The following ZNF433 variants were observed in gnomAD, a reference collection of about 807,000 sequenced individuals.
The protein encoded by ZNF433 is zinc finger protein 433.
Under a neutral mutation model 10.6 loss-of-function variants are expected in ZNF433, and 12 were observed. The ratio of observed to expected loss-of-function variants is 1.13; its 90% CI spans 0.72 to 1.83. The LOEUF is 1.83. Among genes scored for constraint, ZNF433 ranks in the 40% most tolerant of loss-of-function variants. The pLI, the probability that ZNF433 is intolerant of heterozygous loss-of-function variation, is 0.00. For synonymous variants in ZNF433, 272 were observed against 271.3 expected, an observed-to-expected ratio of 1.00 and a Z score of -0.02; for missense variants, 737 against 798.0, an observed-to-expected ratio of 0.92 and a Z score of 0.92.
chr19:12,027,612 TTTAG>T (rs1393605480), intron 1 of ZNF433, among the ~76,000 whole-genome samples: 1 of 152,242 alleles, frequency 6.6e-6, no homozygotes, highest in Non-Finnish European at 1.5e-5. Flanking sequence ...AAGGAATATT[TTTAG>T]TTAATCTATA....
intron 1 of ZNF433, chr19:12,022,311 T>G (rs1007191236): frequency 1.1e-5 from 3 of 266,920 alleles, no homozygotes; most frequent in Non-Finnish European, 2.4e-5. Flanking sequence ...AGGAATACTT[T>G]TAATCTATAA....
In ZNF433 at chr19:12,016,410, A is replaced by G. The variant is rs757335027; in HGVS notation, c.448T>C (p.Cys150Arg). Reference sequence around the variant, plus strand: ...TCATGTGTCTGAACAGAGGAGAGACAGTTGAAAGGTTTTTTACAGTATTTA... The same window carrying G: ...TCATGTGTCTGAACAGAGGAGAGACGGTTGAAAGGTTTTTTACAGTATTTA... ...KCKYCKKPFN[C>R]LSSVQTHERA... The change falls in exon 4 of 4, where the codon TGT becomes CGT. Residue 150 changes from cysteine (C) to arginine (R), a missense_variant. By Grantham distance (180) the Cys-to-Arg change is radical (BLOSUM62 -3). Transcript: ENST00000550507. 1 of 1,614,142 alleles carries G rather than the reference A, an allele frequency of 6.2e-7. No individual in the cohort carries two copies. The highest frequency in any genetic ancestry group is 8.5e-7 in the Non-Finnish European group (1 of 1,180,026).
At position 12,015,241 on chromosome 19, in the gene ZNF433, G is replaced by A; in HGVS notation, c.1617C>T (p.Ala539=). ...TTTGAAGCTGTGAGGCAGATCTGAAGGCTTTTCCACATTGCTTGCATTCAT... is the reference window on the plus strand; with the variant it reads ...TTTGAAGCTGTGAGGCAGATCTGAAAGCTTTTCCACATTGCTTGCATTCAT... ...KPYECKQCGK[A]FRSASQLQIH... Residue 539 remains alanine, a synonymous_variant, in exon 4 of 4, where the codon GCC becomes GCT. Transcript: ENST00000550507. The A allele has an allele frequency of 6.2e-7, 1 of 1,613,358 alleles. No individual in the cohort carries two copies. The highest frequency in any genetic ancestry group is 8.5e-7 in the Non-Finnish European group (1 of 1,179,890).
chr19:12,019,740 C>T (rs1321518469), intron 1 of ZNF433, among the ~76,000 whole-genome samples: 1 of 152,084 alleles, frequency 6.6e-6, no homozygotes, highest in East Asian at 1.9e-4. Flanking sequence ...AAATATTAAT[C>T]TTATAACATC....
Position 12,016,135 on chromosome 19 carries a change from A to T in ZNF433, c.723T>A (p.His241Gln). 1.2e-6 allele frequency: 2 copies of T among 1,614,124 alleles called. No homozygotes were observed. Among genetic ancestry groups the T allele is most frequent in the Non-Finnish European group, 1.7e-6 (2 of 1,180,008 alleles). ...AFSHSSSLRI[H>Q]ERTHTGEKPY... ...GCTTCTCCCCAGTGTGAGTTCTTTC[A>T]TGTATTCGAAGGCTACTAGAATGAC... Residue 241 changes from histidine to glutamine, a missense_variant, in exon 4 of 4, where the codon CAT becomes CAA. Transcript: ENST00000550507.
At chr19:12,035,512 C>T in intron 1 of ZNF433, 25 bp downstream of exon 1, 1 of 1,569,560 alleles carries the variant, frequency 6.4e-7, no homozygotes, top group Non-Finnish European at 8.6e-7. Context: ...TCCCCCGCCT[C>T]GGGACCCCTG....
At chr19:12,029,526 A>G (rs1875976293) in intron 1 of ZNF433, among the ~76,000 whole-genome samples, 3 of 119,300 alleles carry the variant, frequency 2.5e-5, no homozygotes, top group Non-Finnish European at 4.7e-5. Flanking sequence ...TGTCTCAAAA[A>G]AAAAAAAAAA....
rs114955320 is a variant in ZNF433, at chr19:12,018,173, G to A, written c.123C>T (p.Ala41=). The part of the protein sequence containing the change: ...DVMQETFRNL[A]SIGKKWKPQN... ...TAATGTTGTCACCCTTACCTATAGA[G>A]GCCAGGTTCCTGAAGGTTTCTTGCA... Residue 41 remains alanine (A), a synonymous_variant, in exon 2 of 4, where the codon GCC becomes GCT. Coordinates refer to ENST00000550507, the MANE Select transcript of ZNF433 (RefSeq NM_001308348.2). 1.2e-3 allele frequency: 1,865 copies of A among 1,596,386 alleles called. 28 individuals are homozygous for A. The African/African-American group carries it at 0.023, about 19-fold the overall frequency.
intron 1 of ZNF433, chr19:12,030,081 CAA>C (rs74180055): frequency 0.11 from 20,772 of 196,552 alleles, 42 homozygotes; most frequent in African/African-American, 0.22. Context: ...GACTCCATCT[CAA>C]AAAAAAAAAA....
intron 1 of ZNF433, chr19:12,025,118 T>C (rs1304840937): frequency 6.6e-6 from 1 of 152,208 alleles, no homozygotes; most frequent in African/African-American, 2.4e-5. Context: ...TTATTCCAGC[T>C]TGAAAGGTAA....
At chr19:12,024,970 C>T (rs1056648154) in intron 1 of ZNF433, 14 of 152,130 alleles carry the variant, frequency 9.2e-5, no homozygotes, top group Admixed American at 5.9e-4. Flanking sequence ...TGGGTATTCT[C>T]GATAATCATT....
chr19:12,034,114 T>C (rs978344532), intron 1 of ZNF433, among the ~76,000 whole-genome samples: 2 of 152,204 alleles, frequency 1.3e-5, no homozygotes, highest in Admixed American at 6.5e-5. Flanking sequence ...CAAATTCAAA[T>C]GCTATTCATA....
rs557627067 is a variant in ZNF433 at position 12,029,923 on chromosome 19, A to G, written c.3+5614T>C. ...GGTGAAACCCTGCCTCTACTAAAGAATACAAAAAATTAGCTGGGCACGGTA... is the reference window on the plus strand; with the variant it reads ...GGTGAAACCCTGCCTCTACTAAAGAGTACAAAAAATTAGCTGGGCACGGTA... On this transcript the variant is annotated intron_variant, in intron 1 of 3. Coordinates refer to ENST00000550507, the MANE Select transcript of ZNF433 (RefSeq NM_001308348.2). Among the ~76,000 whole-genome samples, 5 of 151,848 alleles carry G rather than the reference A, an allele frequency of 3.3e-5. No homozygotes were observed. In the South Asian group the frequency reaches 1.0e-3, roughly 32 times the overall value.
In ZNF433 at chr19:12,015,962, C is replaced by A. The variant is rs778406423; in HGVS notation, c.896G>T (p.Arg299Ile). ...SSSHSFQIHERTHTGEKPYEC... is the reference protein window; with the variant it reads ...SSSHSFQIHEITHTGEKPYEC... Reference sequence around the variant, plus strand: ...ATATGGCTTCTCCCCCGTGTGAGTTCTTTCATGTATTTGAAAGGAATGGGA... The same window carrying A: ...ATATGGCTTCTCCCCCGTGTGAGTTATTTCATGTATTTGAAAGGAATGGGA... The change falls in exon 4 of 4, where the codon AGA becomes ATA. Residue 299 changes from arginine to isoleucine, a missense_variant. Arg to Ile is a moderately conservative substitution (Grantham distance 97, BLOSUM62 -3). Transcript: ENST00000550507. 2 of 1,614,036 alleles carry A rather than the reference C, an allele frequency of 1.2e-6. No individual in the cohort carries two copies. Among genetic ancestry groups the A allele is most frequent in the Non-Finnish European group, 1.7e-6 (2 of 1,179,920 alleles).
In ZNF433 at chr19:12,015,084, A is replaced by T; in HGVS notation, c.1774T>A (p.Cys592Ser). ...GAGGCACATCCAAAAGACTTCCCAC[A>T]CTGCTTACATTCATAGGGTTTCTCT... is the stretch of plus-strand genomic sequence containing the variant. ...TGEKPYECKQ[C>S]GKSFGCASRL... Residue 592 changes from cysteine (C) to serine (S), a missense_variant, in exon 4 of 4, where the codon TGT becomes AGT. By Grantham distance (112) the Cys-to-Ser change is moderately radical. Transcript: ENST00000550507. 6.2e-7 allele frequency: 1 copy of T among 1,614,012 alleles called. No homozygotes were observed. The highest frequency in any genetic ancestry group is 8.5e-7 in the Non-Finnish European group (1 of 1,179,968).
rs1250549010 is a variant in ZNF433, at chr19:12,016,222, G to T, written c.636C>A (p.Ile212=). 1.2e-6 allele frequency: 2 copies of T among 1,614,144 alleles called. No individual in the cohort carries two copies. The highest frequency in any genetic ancestry group is 2.2e-5 in the East Asian group (1 of 44,864). The change falls in exon 4 of 4, where the codon ATC becomes ATA. Residue 212 remains isoleucine (I), a synonymous_variant. Transcript: ENST00000550507. ...TCTCTCCAGTGTGAGTTCGTTTGTG[G>T]ATAAGATACAAACTGAGAAACATCA... ...KALMFLSLYL[I]HKRTHTGEKP... is the part of the protein sequence containing the mutation.
At position 12,016,358 on chromosome 19, in the gene ZNF433, T is replaced by A; in HGVS notation, c.500A>T (p.Tyr167Phe). Reference protein sequence around the residue: ...HERAHSGRKLYVCEECGKTFI... With the variant: ...HERAHSGRKLFVCEECGKTFI... ...TGTTTTTCCGCATTCCTCACAAACA[T>A]AGAGTTTCCTTCCACTATGAGCCCT... The change falls in exon 4 of 4, where the codon TAT (tyrosine) becomes TTT (phenylalanine). Residue 167 changes from tyrosine to phenylalanine, a missense_variant. Transcript: ENST00000550507. 2 of 1,613,738 alleles carry A rather than the reference T, an allele frequency of 1.2e-6. No homozygotes were observed. Among genetic ancestry groups the A allele is most frequent in the Non-Finnish European group, 1.7e-6 (2 of 1,179,858 alleles).
At chr19:12,023,583 T>C (rs552135066) in intron 1 of ZNF433, 2 of 152,260 alleles carry the variant, frequency 1.3e-5, no homozygotes, top group East Asian at 3.9e-4. Flanking sequence ...GAAAGAAATT[T>C]AAAGGATTGG....
At chr19:12,027,925 C>T (rs941596500) in intron 1 of ZNF433, 12 of 152,300 alleles carry the variant, frequency 7.9e-5, no homozygotes, top group African/African-American at 2.4e-4. Context: ...GCTATAGCAA[C>T]CAGTATTCCC....
Sources: allele counts gnomAD v4.1 joint callset (sites outside exome capture counted in the v4.1 genomes callset), GRCh38; gene constraint gnomAD v4.1.1; transcripts MANE v1.5; gene names NCBI Gene and HGNC (gene_info 2026-07-23, HGNC 2026-07-21).